PRUNE2: variants seen among roughly 807,000 people sequenced by gnomAD.
PRUNE2 encodes the protein protein prune homolog 2.
In PRUNE2, 164 loss-of-function variants were observed where a neutral mutation model predicts 252.0. The ratio of observed to expected loss-of-function variants is 0.65; its 90% CI spans 0.57 to 0.74. PRUNE2 has a LOEUF of 0.74. PRUNE2 is among the 30% of genes least tolerant of loss of function. The probability of loss-of-function intolerance (pLI) is 0.00; values close to 1 mark genes in which losing one functional copy is unlikely to be tolerated. For synonymous variants in PRUNE2, 1,292 were observed against 1,350.2 expected (o/e 0.96, Z 0.94); for missense variants, 3,495 against 3,711.0 (o/e 0.94, Z 1.51).
chr9:76,683,329 A>G (rs1364963813), intron 9 of PRUNE2, among the ~76,000 whole-genome samples: 1 of 152,236 alleles, frequency 6.6e-6, no homozygotes, highest in African/African-American at 2.4e-5. Flanking sequence ...CTGAGGGCCT[A>G]TGGAGAGAGG....
At chr9:76,765,801 T>A (rs1589096341) in intron 6 of PRUNE2, among the ~76,000 whole-genome samples, 1 of 152,312 alleles carries the variant, frequency 6.6e-6, no homozygotes, top group East Asian at 1.9e-4. Flanking sequence ...GGGACTCACT[T>A]TCCTTATCTA....
chr9:76,775,995 A>G (rs1416156690), intron 6 of PRUNE2, among the ~76,000 whole-genome samples: 2 of 152,134 alleles, frequency 1.3e-5, no homozygotes, highest in African/African-American at 4.8e-5. Flanking sequence ...GAGATTTGGG[A>G]GGGATAGGAA....
In PRUNE2 at chr9:76,710,544, G is replaced by T; in HGVS notation, c.1730C>A (p.Pro577His). 1 of 1,613,792 alleles carries T rather than the reference G, an allele frequency of 6.2e-7. No homozygotes were observed. Among genetic ancestry groups the T allele is most frequent in the East Asian group, 2.2e-5 (1 of 44,868 alleles). Residue 577 changes from proline (P) to histidine (H), a missense_variant, in exon 8 of 19, where the codon CCC (proline) becomes CAC (histidine). By Grantham distance (77) the Pro-to-His change is moderately conservative. Transcript: ENST00000376718. ...DEEFVQRQDS[P>H]RDNSERNLSL... ...CAAATTTCTTTCAGAGTTATCTCTG[G>T]GACTGTCTTGTCTCTGGACAAACTC... is the stretch of plus-strand genomic sequence containing the variant.
chr9:76,754,578 T>C (rs2050934688), intron 6 of PRUNE2, among the ~76,000 whole-genome samples: 1 of 152,202 alleles, frequency 6.6e-6, no homozygotes, highest in South Asian at 2.1e-4. Context: ...CTTGTGGAGC[T>C]ATGGTGGCAG....
intron 11 of PRUNE2, among the ~76,000 whole-genome samples, chr9:76,648,276 A>G (rs1194550079): frequency 6.6e-6 from 1 of 152,182 alleles, no homozygotes; most frequent in African/African-American, 2.4e-5. Flanking sequence ...TACAAAATTA[A>G]GCATACTCTT....
At chr9:76,815,881 C>A (rs1488582528) in intron 6 of PRUNE2, among the ~76,000 whole-genome samples, 1 of 152,096 alleles carries the variant, frequency 6.6e-6, no homozygotes, top group Non-Finnish European at 1.5e-5. Flanking sequence ...AAGAATTCTG[C>A]CAGGTGCGGT....
chr9:76,828,072 C>T (rs1481347893), intron 4 of PRUNE2, among the ~76,000 whole-genome samples: 1 of 152,148 alleles, frequency 6.6e-6, no homozygotes, highest in Non-Finnish European at 1.5e-5. Flanking sequence ...TAAGTAAGCA[C>T]AGACATTTTC....
intron 9 of PRUNE2, among the ~76,000 whole-genome samples, chr9:76,699,370 ATGT>A (rs1181786995): frequency 2.0e-5 from 3 of 152,032 alleles, no homozygotes; most frequent in African/African-American, 7.2e-5. Context: ...ACCAGTTTAG[ATGT>A]TGTTGTAAAA....
At chr9:76,634,540 A>G (rs1200359880) in intron 15 of PRUNE2, among the ~76,000 whole-genome samples, 2 of 152,222 alleles carry the variant, frequency 1.3e-5, no homozygotes, top group Non-Finnish European at 2.9e-5. Context: ...CCATGACCAT[A>G]TAAGGCAAAT....
intron 1 of PRUNE2, among the ~76,000 whole-genome samples, chr9:76,883,815 C>T (rs1377876802): frequency 2.0e-5 from 3 of 152,218 alleles, no homozygotes; most frequent in Admixed American, 6.5e-5. Context: ...TGTTGCTCCT[C>T]TCATCAAGAG....
chr9:76,647,865 C>T (rs567555872), intron 11 of PRUNE2, among the ~76,000 whole-genome samples: 1 of 151,998 alleles, frequency 6.6e-6, no homozygotes, highest in Admixed American at 6.6e-5. Flanking sequence ...GGGAGGCTGA[C>T]ACAGGGGAAT....
chr9:76,721,670 G>A (rs1007576319), intron 6 of PRUNE2, among the ~76,000 whole-genome samples: 4 of 152,168 alleles, frequency 2.6e-5, no homozygotes, highest in African/African-American at 9.7e-5. Context: ...AACACAGTGT[G>A]ACAATTCCTA....
chr9:76,806,505 A>ATTT (rs1212791411), intron 6 of PRUNE2, among the ~76,000 whole-genome samples: 1 of 142,166 alleles, frequency 7.0e-6, no homozygotes, highest in Non-Finnish European at 1.5e-5. Flanking sequence ...GTCAGGCACC[A>ATTT]TTCTTTTTTT....
At chr9:76,874,982 A>T (rs1362084913) in intron 1 of PRUNE2, among the ~76,000 whole-genome samples, 1 of 152,100 alleles carries the variant, frequency 6.6e-6, no homozygotes, top group Non-Finnish European at 1.5e-5. Context: ...TTTCTGCTAT[A>T]ATCTGCCTCC....
At chr9:76,862,959 G>A (rs2060636434) in intron 1 of PRUNE2, 1 of 152,116 alleles carries the variant, frequency 6.6e-6, no homozygotes, top group Admixed American at 6.6e-5. Context: ...CTACTGCTTT[G>A]CACACAGTAA....
At chr9:76,614,689 T>G (rs1828602589) in intron 18 of PRUNE2, 89 bp from the exon 19 acceptor site, 1 of 984,230 alleles carries the variant, frequency 1.0e-6, no homozygotes, top group East Asian at 2.5e-5. Flanking sequence ...TTTGCTTTTT[T>G]CCTCAAAGGA....
At chr9:76,766,390 C>A (rs144562491) in intron 6 of PRUNE2, among the ~76,000 whole-genome samples, 3 of 152,168 alleles carry the variant, frequency 2.0e-5, no homozygotes, top group African/African-American at 7.2e-5. Flanking sequence ...CTAATGGTCA[C>A]TGGAAGAAAA....
At chr9:76,664,448 G>A (rs2039736184) in intron 9 of PRUNE2, among the ~76,000 whole-genome samples, 1 of 152,186 alleles carries the variant, frequency 6.6e-6, no homozygotes, top group South Asian at 2.1e-4. Flanking sequence ...ATACACTCTT[G>A]AATTCCTATT....
intron 6 of PRUNE2, among the ~76,000 whole-genome samples, chr9:76,751,536 T>C (rs1320886975): frequency 6.6e-6 from 1 of 152,240 alleles, no homozygotes; most frequent in Non-Finnish European, 1.5e-5. Flanking sequence ...TATATACCTC[T>C]GATTTCCTTC....
Sources: gnomAD v4.1 joint callset for allele counts (sites outside exome capture counted in the v4.1 genomes callset) on GRCh38, gnomAD v4.1.1 for gene constraint, MANE v1.5 for transcripts, NCBI Gene and HGNC (gene_info 2026-07-23, HGNC 2026-07-21) for gene names.